SLC7A11: variants seen among roughly 807,000 people sequenced by gnomAD.
SLC7A11 encodes the protein solute carrier family 7 member 11, also known as cystine/glutamate transporter.
Under a neutral mutation model 54.5 loss-of-function variants are expected in SLC7A11, and 35 were observed. The ratio of observed to expected loss-of-function variants is 0.64; its 90% CI spans 0.49 to 0.85. The LOEUF (loss-of-function observed/expected upper bound fraction) is 0.85, where lower values mean the gene tolerates loss of function less well. Ranked by LOEUF, SLC7A11 falls within the 40% of genes least tolerant of loss-of-function variation. SLC7A11 has a pLI of 0.00. For missense variants in SLC7A11, 583 were observed against 618.1 expected (o/e 0.94, Z 0.60); for synonymous variants, 230 against 225.2 (o/e 1.02, Z -0.19).
At chr4:138,208,806 T>TTAC (rs1737473287) in intron 6 of SLC7A11, among the ~76,000 whole-genome samples, 1 of 152,126 alleles carries the variant, frequency 6.6e-6, no homozygotes, top group Admixed American at 6.6e-5. Flanking sequence ...ACTCTTATTA[T>TTAC]AAAAGTTCAA....
At chr4:138,188,065 A>C (rs1368569355) in intron 6 of SLC7A11, among the ~76,000 whole-genome samples, 2 of 152,008 alleles carry the variant, frequency 1.3e-5, no homozygotes, top group East Asian at 3.9e-4. Context: ...TTTTTTAAAA[A>C]AATTTTCTTT....
At chr4:138,178,669 T>TA (rs1011064769) in intron 11 of SLC7A11, among the ~76,000 whole-genome samples, 2 of 151,958 alleles carry the variant, frequency 1.3e-5, no homozygotes, top group Admixed American at 6.6e-5. Context: ...AAGTAAAATT[T>TA]AAAAAAAATT....
chr4:138,199,239 CTTTTA>C (rs1737212486), intron 6 of SLC7A11, among the ~76,000 whole-genome samples: 2 of 151,910 alleles, frequency 1.3e-5, no homozygotes, highest in South Asian at 4.2e-4. Context: ...ACAGTGAGTA[CTTTTA>C]TTTGATGTGA....
chr4:138,189,167 T>C (rs1736948767), intron 6 of SLC7A11, among the ~76,000 whole-genome samples: 1 of 152,130 alleles, frequency 6.6e-6, no homozygotes, highest in Admixed American at 6.6e-5. Context: ...TTGTTCCGAG[T>C]GATAGGCCTC....
At chr4:138,174,825 T>C (rs1006733935) in intron 11 of SLC7A11, 2 of 152,226 alleles carry the variant, frequency 1.3e-5, no homozygotes, top group Non-Finnish European at 2.9e-5. Context: ...TGTAGTATTT[T>C]TAGCTTTACC....
rs1436316933 is a variant in SLC7A11, at chr4:138,169,169, G to C, written c.*2787C>G. 2 of 152,038 alleles carry C rather than the reference G, an allele frequency of 1.3e-5. No individual in the cohort carries two copies. The highest frequency in any genetic ancestry group is 4.8e-5 in the African/African-American group (2 of 41,426). 9.4% of individuals were successfully genotyped at this position (152,038 alleles called of 1,614,324 possible). ...ACAAGTACAGAACATGTAGTAAGTA[G>C]TATGTGCATGTATGTGTGTGTGTGC... On this transcript the variant is annotated 3_prime_UTR_variant, in exon 12 of 12. Transcript: ENST00000280612.
chr4:138,236,366 T>C lies in SLC7A11; in HGVS notation c.363A>G (p.Leu121=), dbSNP rs1049675553. The stretch of plus-strand genomic sequence containing the variant: ...CCACCCAGACTCGTACAAAAGCTGG[T>C]AATGGACCAAAGACTTCCAAAATAT... ...YTYILEVFGP[L]PAFVRVWVEL... is the part of the protein sequence containing the mutation. The change falls in exon 2 of 12, where the codon TTA becomes TTG. Residue 121 remains leucine, a synonymous_variant. Transcript: ENST00000280612. 6.2e-7 allele frequency: 1 copy of C among 1,613,524 alleles called. No individual in the cohort carries two copies. Among genetic ancestry groups the C allele is most frequent in the African/African-American group, 1.3e-5 (1 of 74,908 alleles).
intron 1 of SLC7A11, among the ~76,000 whole-genome samples, chr4:138,238,142 G>A (rs534066777): frequency 8.6e-5 from 13 of 151,880 alleles, no homozygotes; most frequent in African/African-American, 2.9e-4. Context: ...AACATTTAAC[G>A]ATACAATTCA....
At chr4:138,193,811 T>G (rs181442221) in intron 6 of SLC7A11, among the ~76,000 whole-genome samples, 1 of 151,968 alleles carries the variant, frequency 6.6e-6, no homozygotes, top group Non-Finnish European at 1.5e-5. Flanking sequence ...AATAAATAAA[T>G]AAAATATAGA....
chr4:138,179,111 A>C, intron 11 of SLC7A11, 106 bp downstream of exon 11: 1 of 746,502 alleles, frequency 1.3e-6, no homozygotes, highest in Non-Finnish European at 2.2e-6. Flanking sequence ...TCTCAAATCA[A>C]TTGTGCCACT....
chr4:138,186,916 GAGAGGAAGAGAGGAAA>G (rs1429209335), intron 6 of SLC7A11, among the ~76,000 whole-genome samples: 1 of 152,036 alleles, frequency 6.6e-6, no homozygotes, highest in Non-Finnish European at 1.5e-5. Flanking sequence ...CTATGGAGGA[GAGAGGAAGAGAGGAAA>G]AGAAGAAGAG....
At position 138,169,053 on chromosome 4, in the gene SLC7A11, ATTAG is replaced by A. The variant is rs1736342167; in HGVS notation, c.*2899_*2902del. ...CCCCACAAAAATTAAAAAATACTAT[ATTAG>A]TTATTTTAAACAGTATTCATTACTT... On this transcript the variant is annotated 3_prime_UTR_variant, in exon 12 of 12. Coordinates refer to ENST00000280612, the MANE Select transcript of SLC7A11 (RefSeq NM_014331.4). 6.6e-6 allele frequency: 1 copy of A among 152,170 alleles called. No individual in the cohort carries two copies. Among genetic ancestry groups the A allele is most frequent in the Non-Finnish European group, 1.5e-5 (1 of 68,022 alleles). 9.4% of individuals were successfully genotyped at this position (152,170 alleles called of 1,614,324 possible). A position where few individuals can be genotyped will look rare whatever the true frequency, so the allele number is the denominator to read the frequency against.
rs1736262032 is a variant in SLC7A11, at chr4:138,166,443, C to T, written c.*5513G>A. 2 of 152,522 alleles carry T rather than the reference C, an allele frequency of 1.3e-5. No homozygotes were observed. Among genetic ancestry groups the T allele is most frequent in the Admixed American group, 6.5e-5 (1 of 15,268 alleles). 9.4% of individuals were successfully genotyped at this position (152,522 alleles called of 1,614,324 possible). On this transcript the variant is annotated 3_prime_UTR_variant, in exon 12 of 12. Transcript: ENST00000280612. Reference sequence around the variant, plus strand: ...GCATTACTCTTTTTTTCCCCTCTGGCTTTCAGCACGGCCTTCTGAGGCTTT... The same window carrying T: ...GCATTACTCTTTTTTTCCCCTCTGGTTTTCAGCACGGCCTTCTGAGGCTTT...
At chr4:138,216,917 G>C (rs974295271) in intron 5 of SLC7A11, among the ~76,000 whole-genome samples, 1 of 152,152 alleles carries the variant, frequency 6.6e-6, no homozygotes, top group African/African-American at 2.4e-5. Flanking sequence ...TATCTTGAAA[G>C]CGAGAGAAAG....
At chr4:138,183,589 T>C (rs1365989215) in intron 7 of SLC7A11, among the ~76,000 whole-genome samples, 3 of 152,162 alleles carry the variant, frequency 2.0e-5, no homozygotes, top group African/African-American at 7.2e-5. Flanking sequence ...TCAACTATGA[T>C]GTGTATTGTC....
rs10013651 is a variant in SLC7A11, at chr4:138,180,180, G to C, written c.1266+461C>G. Among the ~76,000 whole-genome samples the C allele has an allele frequency of 8.1e-3, 1,231 of 152,168 alleles. 12 individuals are homozygous for C. The highest frequency in any genetic ancestry group is 0.028 in the African/African-American group (1,155 of 41,516). On this transcript the variant is annotated intron_variant, in intron 10 of 11. Coordinates refer to ENST00000280612, the MANE Select transcript of SLC7A11 (RefSeq NM_014331.4). ...TTTTGGAGTGTATAATATAGAGAAA[G>C]AGCAATGTAACAAGTCACAACATTT...
chr4:138,189,568 G>A (rs1320654694), intron 6 of SLC7A11, among the ~76,000 whole-genome samples: 1 of 152,018 alleles, frequency 6.6e-6, no homozygotes, highest in Non-Finnish European at 1.5e-5. Context: ...TTTACATGCT[G>A]ACAAACATGT....
intron 6 of SLC7A11, among the ~76,000 whole-genome samples, chr4:138,191,565 C>A (rs530648046): frequency 1.3e-5 from 2 of 152,160 alleles, no homozygotes; most frequent in East Asian, 3.9e-4. Flanking sequence ...CACTCTTAGC[C>A]ACCACCACAC....
At chr4:138,223,069 T>C in intron 4 of SLC7A11, 130 bp downstream of exon 4, 1 of 768,636 alleles carries the variant, frequency 1.3e-6, no homozygotes, top group South Asian at 2.1e-5. Context: ...ATCAATTAGA[T>C]GACAATATAG....
Sources: gnomAD v4.1 joint callset for allele counts (sites outside exome capture counted in the v4.1 genomes callset) on GRCh38, gnomAD v4.1.1 for gene constraint, MANE v1.5 for transcripts, NCBI Gene and HGNC (gene_info 2026-07-23, HGNC 2026-07-21) for gene names.